Variants in IRAK1BP1 observed in about 807,000 individuals in gnomAD.
IRAK1BP1 encodes the protein interleukin-1 receptor-associated kinase 1-binding protein 1.
In IRAK1BP1, 24 loss-of-function variants were observed where a neutral mutation model predicts 28.0. The observed-to-expected ratio is 0.86, with a 90% CI of 0.62 to 1.20. IRAK1BP1 has a LOEUF of 1.20. IRAK1BP1 is among the 50% of genes most tolerant of loss of function. IRAK1BP1 has a pLI of 0.00. For synonymous variants in IRAK1BP1, 131 were observed against 116.3 expected (o/e 1.13, Z -0.81); for missense variants, 336 against 316.7 (o/e 1.06, Z -0.46).
At chr6:78,878,684 G>A (rs916924252) in intron 1 of IRAK1BP1, among the ~76,000 whole-genome samples, 6 of 152,066 alleles carry the variant, frequency 3.9e-5, no homozygotes, top group African/African-American at 7.2e-5. Context: ...TCAGACGATC[G>A]GTAATAACAA....
rs183095899 is a variant in IRAK1BP1, at chr6:78,870,214, C to A, written c.315+2323C>A. On this transcript the variant is annotated intron_variant, in intron 1 of 3. Coordinates refer to ENST00000369940, the MANE Select transcript of IRAK1BP1 (RefSeq NM_001010844.4). ...TTGTATTTTTCTTTAAGAATTAGCC[C>A]AAGTCTGAGCTATGGAAGTGAGACA... Among the ~76,000 whole-genome samples, 18 of 145,814 alleles carry A rather than the reference C, an allele frequency of 1.2e-4. No individual in the cohort carries two copies. In the East Asian group the frequency reaches 3.3e-3, roughly 27 times the overall value.
intron 2 of IRAK1BP1, among the ~76,000 whole-genome samples, chr6:78,888,727 C>T (rs921304933): frequency 6.6e-6 from 1 of 151,844 alleles, no homozygotes; most frequent in Non-Finnish European, 1.5e-5. Context: ...GCTGGTCTGG[C>T]CAACTCCTGA....
chr6:78,880,413 C>T (rs1355535768), intron 1 of IRAK1BP1, among the ~76,000 whole-genome samples: 1 of 152,112 alleles, frequency 6.6e-6, no homozygotes, highest in Non-Finnish European at 1.5e-5. Context: ...GGATGCTCAA[C>T]CTGTGTTACC....
the IRAK1BP1 span, among the ~76,000 whole-genome samples, chr6:78,953,889 G>A: frequency 6.6e-6 from 1 of 151,842 alleles, no homozygotes; most frequent in Non-Finnish European, 1.5e-5. Flanking sequence ...CCCGACCCCT[G>A]AACTATATAA....
intron 4 of IRAK1BP1, among the ~76,000 whole-genome samples, chr6:78,916,373 C>T (rs1416786601): frequency 6.6e-6 from 1 of 151,918 alleles, no homozygotes; most frequent in African/African-American, 2.4e-5. Context: ...TATAATAAGA[C>T]CCAACCTTAG....
chr6:78,966,137 T>C, the IRAK1BP1 span: 1 of 829,994 alleles, frequency 1.2e-6, no homozygotes, highest in South Asian at 1.4e-5. Flanking sequence ...AACCTTTAAG[T>C]ACCTAAACTG....
At chr6:78,923,862 G>A (rs1772811236) in intron 4 of IRAK1BP1, among the ~76,000 whole-genome samples, 1 of 152,164 alleles carries the variant, frequency 6.6e-6, no homozygotes, top group South Asian at 2.1e-4. Flanking sequence ...GATGTTCTTT[G>A]AAACCAACGA....
At chr6:78,962,849 T>C in the IRAK1BP1 span, among the ~76,000 whole-genome samples, 1 of 152,166 alleles carries the variant, frequency 6.6e-6, no homozygotes, top group Non-Finnish European at 1.5e-5. Context: ...CCCAGTTTTT[T>C]CAGAGATGCC....
At chr6:78,943,990 T>TAAAAAA (rs558983037) in intron 4 of IRAK1BP1, among the ~76,000 whole-genome samples, 17 of 78,150 alleles carry the variant, frequency 2.2e-4, no homozygotes, top group African/African-American at 4.7e-4. Context: ...TGTCTTTTTT[T>TAAAAAA]AAAAAAAAAA....
At chr6:78,974,856 A>G in the IRAK1BP1 span, among the ~76,000 whole-genome samples, 138,869 of 150,038 alleles carry the variant, frequency 0.93, 64,371 homozygotes, top group East Asian at 1. Flanking sequence ...ACCAATAACA[A>G]GATCTGAAAT....
intron 4 of IRAK1BP1, among the ~76,000 whole-genome samples, chr6:78,943,979 CTG>C: frequency 1.2e-5 from 1 of 85,008 alleles, no homozygotes; most frequent in African/African-American, 4.6e-5. Context: ...GAGCAAGATC[CTG>C]TCTTTTTTTA....
chr6:78,938,124 T>C (rs936788713), intron 4 of IRAK1BP1: 6 of 151,680 alleles, frequency 4.0e-5, no homozygotes, highest in South Asian at 2.1e-4. Flanking sequence ...CTGTAATGCA[T>C]AGAAGCTAAA....
intron 4 of IRAK1BP1, among the ~76,000 whole-genome samples, chr6:78,919,004 C>CT (rs1459351640): frequency 6.6e-6 from 1 of 152,144 alleles, no homozygotes. Context: ...CAAACATACT[C>CT]TATGACCACA....
the IRAK1BP1 span, among the ~76,000 whole-genome samples, chr6:78,971,997 C>G: frequency 6.6e-6 from 1 of 151,200 alleles, no homozygotes; most frequent in South Asian, 2.1e-4. Flanking sequence ...ACAAAGCAGC[C>G]GGGAAGCTCG....
chr6:78,949,150 T>C (rs1170165021), downstream of IRAK1BP1, among the ~76,000 whole-genome samples: 2 of 152,160 alleles, frequency 1.3e-5, no homozygotes, highest in Admixed American at 6.5e-5. Context: ...CTTTATCAAG[T>C]TGTGGAAGTT....
At chr6:78,950,019 C>T (rs963322466), downstream of IRAK1BP1, among the ~76,000 whole-genome samples, 5 of 152,072 alleles carry the variant, frequency 3.3e-5, no homozygotes, top group Non-Finnish European at 7.4e-5. Context: ...CTTTTTCCTT[C>T]CAAGCCTTGT....
chr6:78,922,782 G>C (rs71565020), intron 4 of IRAK1BP1, among the ~76,000 whole-genome samples: 2 of 152,174 alleles, frequency 1.3e-5, no homozygotes, highest in African/African-American at 4.8e-5. Flanking sequence ...CATTCTTAAA[G>C]AAAAGAATTT....
intron 4 of IRAK1BP1, among the ~76,000 whole-genome samples, chr6:78,908,683 T>G (rs1772322945): frequency 6.6e-6 from 1 of 152,170 alleles, no homozygotes; most frequent in African/African-American, 2.4e-5. Context: ...TGCCTACATA[T>G]TGCTAGCGTG....
intron 1 of IRAK1BP1, 66 bp downstream of exon 1, chr6:78,867,957 CCCA>C: frequency 6.9e-7 from 1 of 1,443,310 alleles, no homozygotes; most frequent in Middle Eastern, 1.9e-4. Context: ...ATGGTCGGGC[CCCA>C]CAGGCCCCCC....
Sources: gnomAD v4.1 joint callset for allele counts (sites outside exome capture counted in the v4.1 genomes callset) on GRCh38, gnomAD v4.1.1 for gene constraint, MANE v1.5 for transcripts, NCBI Gene and HGNC (gene_info 2026-07-23, HGNC 2026-07-21) for gene names.